The following TEAD1 variants were observed in gnomAD, a reference collection of about 807,000 sequenced individuals.
TEAD1 encodes the protein transcriptional enhancer factor TEF-1.
A neutral mutation model predicts 54.9 loss-of-function variants in TEAD1; 9 were observed. The observed-to-expected ratio is 0.16, with a 90% confidence interval of 0.10 to 0.29. The LOEUF (loss-of-function observed/expected upper bound fraction) is 0.29. Ranked by LOEUF, TEAD1 falls within the 10% of genes least tolerant of loss-of-function variation. The pLI is 1.00. For synonymous variants in TEAD1, 200 were observed against 187.8 expected (o/e 1.07, Z -0.53); for missense variants, 387 against 535.9 (o/e 0.72, Z 2.74).
chr11:12,778,103 A>G (rs1425616778), intron 3 of TEAD1, among the ~76,000 whole-genome samples: 1 of 152,236 alleles, frequency 6.6e-6, no homozygotes, highest in Non-Finnish European at 1.5e-5. Flanking sequence ...AGTCTTATGA[A>G]TAGCTACTAT....
intron 3 of TEAD1, among the ~76,000 whole-genome samples, chr11:12,767,053 AT>A (rs1263073431): frequency 2.0e-5 from 3 of 152,074 alleles, no homozygotes; most frequent in Non-Finnish European, 4.4e-5. Flanking sequence ...TAATGGGACT[AT>A]TGGTGGTGGA....
intron 2 of TEAD1, among the ~76,000 whole-genome samples, chr11:12,696,471 A>G (rs1005154424): frequency 4.6e-5 from 7 of 152,330 alleles, no homozygotes; most frequent in South Asian, 2.1e-4. Flanking sequence ...GCAGAGAGAC[A>G]AGGAAACACA....
At chr11:12,919,878 C>T (rs1032225978) in intron 10 of TEAD1, among the ~76,000 whole-genome samples, 19 of 152,140 alleles carry the variant, frequency 1.2e-4, no homozygotes, top group African/African-American at 4.6e-4. Flanking sequence ...TTAGCAAGCA[C>T]ATTATCCATT....
chr11:12,927,519 T>C (rs16911784), intron 11 of TEAD1, among the ~76,000 whole-genome samples: 1,619 of 152,304 alleles, frequency 0.011, 19 homozygotes, highest in African/African-American at 0.037. Context: ...TTTTCTAAGC[T>C]AGTAACCAAC....
chr11:12,883,664 C>G (rs940476834), intron 9 of TEAD1, among the ~76,000 whole-genome samples: 2 of 152,158 alleles, frequency 1.3e-5, no homozygotes, highest in African/African-American at 4.8e-5. Context: ...TCCATACTCT[C>G]TTTCCAACTC....
chr11:12,807,838 A>T (rs1946209465), intron 3 of TEAD1, among the ~76,000 whole-genome samples: 1 of 152,170 alleles, frequency 6.6e-6, no homozygotes, highest in Admixed American at 6.5e-5. Flanking sequence ...CTGGACAGGT[A>T]CTGAGAGTTG....
At chr11:12,868,861 C>T (rs1031693893) in intron 5 of TEAD1, among the ~76,000 whole-genome samples, 12 of 151,896 alleles carry the variant, frequency 7.9e-5, no homozygotes, top group Non-Finnish European at 1.5e-4. Flanking sequence ...GTTATTTTTC[C>T]AGTAGATATC....
At chr11:12,781,846 G>T (rs1367128947) in intron 3 of TEAD1, among the ~76,000 whole-genome samples, 1 of 151,186 alleles carries the variant, frequency 6.6e-6, no homozygotes, top group African/African-American at 2.4e-5. Flanking sequence ...GTACATTAGG[G>T]GTAGGTGTGT....
rs1157295505 is a variant in TEAD1 at position 12,853,075 on chromosome 11, T to G, written c.203-9175T>G. 3.3e-5 allele frequency among the ~76,000 whole-genome samples: 5 copies of G among 152,328 alleles called. No individual in the cohort carries two copies. The East Asian group carries it at 5.8e-4, about 18-fold the overall frequency. Reference sequence around the variant, plus strand: ...GAAGTGGGCTCTGGGCACCTGGCTGTCTGGCTTACCCCTCTTCATACACTC... The same window carrying G: ...GAAGTGGGCTCTGGGCACCTGGCTGGCTGGCTTACCCCTCTTCATACACTC... On this transcript the variant is annotated intron_variant, in intron 3 of 12. Transcript: ENST00000527636.
At position 12,764,130 on chromosome 11, in the gene TEAD1, A is replaced by G. The variant is rs184473051; in HGVS notation, c.-54-49A>G. The G allele has an allele frequency of 6.9e-5, 82 of 1,186,572 alleles. No individual in the cohort carries two copies. In the African/African-American group the frequency reaches 1.2e-3, roughly 17 times the overall value. The allele number at this position is 1,186,572 out of a possible 1,614,324, so 73.5% of individuals were successfully genotyped here. A position where few individuals can be genotyped will look rare whatever the true frequency, so the allele number is the denominator to read the frequency against. ...TTGCACTAGAGCTAGCAAGAGCATT[A>G]TGTTTGTGGTTACCACATCCTTATA... On this transcript the variant is annotated intron_variant, in intron 2 of 12. Coordinates refer to ENST00000527636, the MANE Select transcript of TEAD1 (RefSeq NM_021961.6).
At chr11:12,707,348 C>A (rs1405634075) in intron 2 of TEAD1, among the ~76,000 whole-genome samples, 3 of 152,132 alleles carry the variant, frequency 2.0e-5, no homozygotes, top group Non-Finnish European at 4.4e-5. Flanking sequence ...AACAAGATCT[C>A]CCCACCCAAG....
At chr11:12,714,142 C>T (rs756203284) in intron 2 of TEAD1, among the ~76,000 whole-genome samples, 4 of 152,102 alleles carry the variant, frequency 2.6e-5, no homozygotes, top group Non-Finnish European at 5.9e-5. Context: ...GGCAGGAACT[C>T]GGGAGGCTGC....
chr11:12,789,590 G>A (rs1459813752), intron 3 of TEAD1, among the ~76,000 whole-genome samples: 2 of 152,220 alleles, frequency 1.3e-5, no homozygotes, highest in African/African-American at 2.4e-5. Context: ...TGGGAACCCA[G>A]AGTCCTGGTG....
chr11:12,793,047 G>A (rs1468014473), intron 3 of TEAD1, among the ~76,000 whole-genome samples: 3 of 151,768 alleles, frequency 2.0e-5, no homozygotes, highest in East Asian at 3.9e-4. Flanking sequence ...GGCTGTTAGC[G>A]AGACCTTGTC....
intron 3 of TEAD1, among the ~76,000 whole-genome samples, chr11:12,809,917 G>A (rs901781925): frequency 4.0e-5 from 6 of 151,678 alleles, no homozygotes; most frequent in South Asian, 2.1e-4. Flanking sequence ...TGGACCAGCC[G>A]ATGGGGAGTG....
intron 10 of TEAD1, among the ~76,000 whole-genome samples, chr11:12,914,442 A>T (rs2134147102): frequency 6.6e-6 from 1 of 152,262 alleles, no homozygotes; most frequent in South Asian, 2.1e-4. Flanking sequence ...CTGTCTCATC[A>T]TTGGGTTGGG....
chr11:12,919,568 A>C (rs1337607589), intron 10 of TEAD1, among the ~76,000 whole-genome samples: 1 of 151,894 alleles, frequency 6.6e-6, no homozygotes, highest in Non-Finnish European at 1.5e-5. Flanking sequence ...ATCATGGCTC[A>C]TTGCAGCCTC....
chr11:12,836,759 C>A (rs1409518020), intron 3 of TEAD1, among the ~76,000 whole-genome samples: 3 of 152,154 alleles, frequency 2.0e-5, no homozygotes, highest in Non-Finnish European at 4.4e-5. Flanking sequence ...CTGACTATTC[C>A]ACCAACTAGT....
At chr11:12,783,938 A>AG (rs1345336552) in intron 3 of TEAD1, among the ~76,000 whole-genome samples, 5 of 152,198 alleles carry the variant, frequency 3.3e-5, no homozygotes, top group East Asian at 3.9e-4. Context: ...ATACACAGGA[A>AG]GGGGGGATGG....
Sources: allele counts gnomAD v4.1 joint callset (sites outside exome capture counted in the v4.1 genomes callset), GRCh38; gene constraint gnomAD v4.1.1; transcripts MANE v1.5; gene names NCBI Gene and HGNC (gene_info 2026-07-23, HGNC 2026-07-21).